Variants in CADPS2 observed in about 807,000 individuals in gnomAD.
The protein encoded by CADPS2 is calcium dependent secretion activator 2.
Under a neutral mutation model 172.5 loss-of-function variants are expected in CADPS2, and 93 were observed. The observed-to-expected ratio is 0.54, with a 90% CI of 0.46 to 0.64. CADPS2 has a LOEUF of 0.64. Among genes scored for constraint, CADPS2 ranks in the 30% least tolerant of loss-of-function variants. The probability of loss-of-function intolerance (pLI) is 0.00; values close to 1 mark genes in which losing one functional copy is unlikely to be tolerated. For missense variants in CADPS2, 1,420 were observed against 1,565.9 expected (o/e 0.91, Z 1.57); for synonymous variants, 546 against 555.2 (o/e 0.98, Z 0.23).
At chr7:122,835,571 G>C (rs2402623) in intron 1 of CADPS2, among the ~76,000 whole-genome samples, 30,318 of 152,116 alleles carry the variant, frequency 0.2, 3,151 homozygotes, top group Middle Eastern at 0.3. Flanking sequence ...AGAATACCCA[G>C]TGTAGAGAAG....
At chr7:122,773,239 G>A (rs923598756) in intron 1 of CADPS2, among the ~76,000 whole-genome samples, 3 of 151,898 alleles carry the variant, frequency 2.0e-5, no homozygotes, top group East Asian at 3.9e-4. Context: ...TGGTGAACAT[G>A]TTTCCATATC....
intron 2 of CADPS2, among the ~76,000 whole-genome samples, chr7:122,688,661 G>A (rs1014916456): frequency 3.9e-5 from 6 of 152,158 alleles, no homozygotes; most frequent in East Asian, 3.9e-4. Context: ...CTCTGGGCAC[G>A]AGAGTCCCTA....
chr7:122,624,860 T>C (rs1223290167), intron 4 of CADPS2, among the ~76,000 whole-genome samples: 2 of 152,136 alleles, frequency 1.3e-5, no homozygotes, highest in African/African-American at 2.4e-5. Flanking sequence ...AAAGTCCTGA[T>C]AGACTTAGTA....
intron 1 of CADPS2, among the ~76,000 whole-genome samples, chr7:122,854,203 T>C (rs1365685761): frequency 6.6e-6 from 1 of 151,748 alleles, no homozygotes; most frequent in Non-Finnish European, 1.5e-5. Context: ...CCACAAAAAA[T>C]ACAAAAATTG....
chr7:122,525,312 A>G (rs1445127007), intron 8 of CADPS2, among the ~76,000 whole-genome samples: 1 of 152,172 alleles, frequency 6.6e-6, no homozygotes, highest in African/African-American at 2.4e-5. Flanking sequence ...GTCTGTCTTT[A>G]GAGTAACATC....
chr7:122,629,584 T>C (rs1419891540), intron 3 of CADPS2, among the ~76,000 whole-genome samples: 2 of 152,114 alleles, frequency 1.3e-5, no homozygotes, highest in Non-Finnish European at 2.9e-5. Context: ...GATTTCTTGA[T>C]CATTAAGTCA....
In CADPS2 at chr7:122,663,250, T is replaced by A; in HGVS notation, c.773A>T (p.Tyr258Phe). ...GAGACCACTTACCTGACATGCATTATAAAGGAGCTGGTGTTCCAGTTTTTT... is the reference window on the plus strand; with the variant it reads ...GAGACCACTTACCTGACATGCATTAAAAAGGAGCTGGTGTTCCAGTTTTTT... ...GIKKLEHQLL[Y>F]NACQLDNADE... Residue 258 changes from tyrosine (Y) to phenylalanine (F), a missense_variant, in exon 3 of 30, where the codon TAT becomes TTT. By Grantham distance (22) the Tyr-to-Phe change is conservative (BLOSUM62 3). Transcript: ENST00000449022. 1 of 1,610,688 alleles carries A rather than the reference T, an allele frequency of 6.2e-7. No homozygotes were observed.
intron 8 of CADPS2, among the ~76,000 whole-genome samples, chr7:122,515,098 C>G (rs1272999051): frequency 6.6e-6 from 1 of 152,074 alleles, no homozygotes; most frequent in East Asian, 1.9e-4. Flanking sequence ...CATTGTAAAA[C>G]ATCACCCAAA....
chr7:122,788,151 T>A (rs1220789704), intron 1 of CADPS2, among the ~76,000 whole-genome samples: 3 of 152,196 alleles, frequency 2.0e-5, no homozygotes. Context: ...GAAACAATAC[T>A]TTTTTCAAGG....
chr7:122,551,900 C>T (rs1207013260), intron 8 of CADPS2, among the ~76,000 whole-genome samples: 1 of 152,124 alleles, frequency 6.6e-6, no homozygotes, highest in East Asian at 1.9e-4. Context: ...CTTACTTTCT[C>T]TTCTTAAATG....
intron 1 of CADPS2, among the ~76,000 whole-genome samples, chr7:122,789,148 G>A (rs1794716365): frequency 6.6e-6 from 1 of 152,160 alleles, no homozygotes; most frequent in Non-Finnish European, 1.5e-5. Context: ...GCAGGAGCAT[G>A]AAGAGGTGAA....
intron 6 of CADPS2, among the ~76,000 whole-genome samples, chr7:122,590,345 A>T (rs568740954): frequency 1.3e-5 from 2 of 152,082 alleles, no homozygotes; most frequent in East Asian, 3.9e-4. Context: ...TGTAATGCAT[A>T]TTTATTAGTC....
intron 19 of CADPS2, among the ~76,000 whole-genome samples, chr7:122,409,221 CAAA>C (rs2047018651): frequency 6.6e-6 from 1 of 152,128 alleles, no homozygotes; most frequent in African/African-American, 2.4e-5. Context: ...ATAGTGGTGA[CAAA>C]AGAAGAACCT....
intron 14 of CADPS2, among the ~76,000 whole-genome samples, chr7:122,471,031 C>T (rs909431468): frequency 1.3e-5 from 2 of 152,118 alleles, no homozygotes; most frequent in African/African-American, 4.8e-5. Context: ...ACACATCCTA[C>T]CCAGGCACAG....
At chr7:122,450,089 C>T (rs1364977591) in intron 15 of CADPS2, among the ~76,000 whole-genome samples, 2 of 152,030 alleles carry the variant, frequency 1.3e-5, no homozygotes, top group African/African-American at 4.8e-5. Context: ...GAGGCAATAA[C>T]AGATCAGGAA....
chr7:122,411,295 A>G (rs2047286346), intron 19 of CADPS2, among the ~76,000 whole-genome samples: 1 of 149,158 alleles, frequency 6.7e-6, no homozygotes. Flanking sequence ...ATCTCGGCTC[A>G]CTGCAACCTC....
At chr7:122,767,471 T>G (rs1233472863) in intron 1 of CADPS2, among the ~76,000 whole-genome samples, 4 of 152,016 alleles carry the variant, frequency 2.6e-5, no homozygotes, top group African/African-American at 9.7e-5. Context: ...GTGCCAACCA[T>G]AGTGTTTTTC....
intron 2 of CADPS2, among the ~76,000 whole-genome samples, chr7:122,683,520 T>C (rs1481297608): frequency 6.6e-6 from 1 of 152,180 alleles, no homozygotes; most frequent in Admixed American, 6.5e-5. Context: ...CAATTTTATA[T>C]ATTATGGGGT....
At chr7:122,632,009 A>T (rs2076624055) in intron 3 of CADPS2, among the ~76,000 whole-genome samples, 1 of 152,208 alleles carries the variant, frequency 6.6e-6, no homozygotes, top group Non-Finnish European at 1.5e-5. Flanking sequence ...CATTGCTGCA[A>T]AGAATATGAT....
Sources: gnomAD v4.1 joint callset for allele counts (sites outside exome capture counted in the v4.1 genomes callset) on GRCh38, gnomAD v4.1.1 for gene constraint, MANE v1.5 for transcripts, NCBI Gene and HGNC (gene_info 2026-07-23, HGNC 2026-07-21) for gene names.